ADGRL2: variants seen among roughly 807,000 people sequenced by gnomAD.
The protein encoded by ADGRL2 is adhesion G protein-coupled receptor L2.
ADGRL2 carries 44 observed loss-of-function variants against 157.4 expected under a neutral mutation model. The ratio of observed to expected loss-of-function variants is 0.28; its 90% CI spans 0.22 to 0.36. The LOEUF is 0.36. ADGRL2 is among the 10% of genes least tolerant of loss of function. ADGRL2 has a pLI of 1.00. For missense variants in ADGRL2, 1,510 were observed against 1,768.9 expected, an observed-to-expected ratio of 0.85 and a Z score of 2.63; for synonymous variants, 585 against 624.7, an observed-to-expected ratio of 0.94 and a Z score of 0.95.
chr1:81,383,949 G>C (rs2076390033), intron 1 of ADGRL2, among the ~76,000 whole-genome samples: 1 of 131,250 alleles, frequency 7.6e-6, no homozygotes, highest in Admixed American at 7.6e-5. Flanking sequence ...GCAAGACTCT[G>C]TCTCAAAAAA....
intron 2 of ADGRL2, among the ~76,000 whole-genome samples, chr1:81,545,625 T>C (rs1260953606): frequency 6.6e-6 from 1 of 152,098 alleles, no homozygotes; most frequent in Non-Finnish European, 1.5e-5. Context: ...CTGAAACATC[T>C]CTTTTACATA....
intron 3 of ADGRL2, among the ~76,000 whole-genome samples, chr1:81,659,195 G>A (rs938323372): frequency 8.6e-5 from 13 of 151,596 alleles, no homozygotes; most frequent in African/African-American, 2.7e-4. Flanking sequence ...CCAAGTAAGT[G>A]GGATTACAGG....
chr1:81,823,311 C>T lies in ADGRL2; in HGVS notation c.-100-13574C>T, dbSNP rs1045275938. ...CCTGCCTCCCTTCCTCTCTCCTTCC[C>T]GTTTTTTCTCTCCTTCCTTCCTTCC... On this transcript the variant is annotated intron_variant, in intron 1 of 23. Coordinates refer to ENST00000686636, the MANE Select transcript of ADGRL2 (RefSeq NM_001366006.2). 2.0e-5 allele frequency among the ~76,000 whole-genome samples: 3 copies of T among 150,974 alleles called. No homozygotes were observed. In the East Asian group the frequency reaches 5.9e-4, roughly 30 times the overall value.
At chr1:81,364,530 G>A (rs1022448967) in intron 1 of ADGRL2, among the ~76,000 whole-genome samples, 2 of 151,994 alleles carry the variant, frequency 1.3e-5, no homozygotes, top group Admixed American at 1.3e-4. Context: ...ATACTCAAAA[G>A]GTTAAAACTG....
chr1:81,836,007 T>C (rs1374939467), intron 1 of ADGRL2, among the ~76,000 whole-genome samples: 1 of 152,088 alleles, frequency 6.6e-6, no homozygotes, highest in Non-Finnish European at 1.5e-5. Context: ...ATGAAGCATG[T>C]AGTAAATGCA....
At chr1:81,435,746 A>T (rs979800115) in intron 1 of ADGRL2, among the ~76,000 whole-genome samples, 5 of 152,170 alleles carry the variant, frequency 3.3e-5, no homozygotes, top group Middle Eastern at 3.2e-3. Flanking sequence ...ACACTGAAAC[A>T]TTTCTCTGGA....
Position 81,981,833 on chromosome 1 carries a change from C to T in ADGRL2, c.3139C>T (p.Leu1047Phe), listed in dbSNP as rs751875235. The T allele has an allele frequency of 5.0e-6, 8 of 1,610,272 alleles. No individual in the cohort carries two copies. In the South Asian group the frequency reaches 5.5e-5, roughly 11 times the overall value. The change falls in exon 19 of 24, where the codon CTT becomes TTT. Residue 1047 changes from leucine to phenylalanine, a missense_variant. Physicochemically the swap from Leu to Phe is conservative, Grantham distance 22. Around this residue, in one of 4 missense-constraint regions of ADGRL2, gnomAD observed 497 missense variants for 627.2 expected, o/e 0.79. Transcript: ENST00000686636. ...IKSWVLGAFA[L>F]LCLLGLTWSF... ...GTCTTGGGTGCTTGGCGCTTTCGCT[C>T]TTCTGTGTCTTCTTGGCCTCACCTG...
intron 2 of ADGRL2, among the ~76,000 whole-genome samples, chr1:81,453,588 G>A (rs1049107632): frequency 6.6e-6 from 1 of 152,086 alleles, no homozygotes; most frequent in African/African-American, 2.4e-5. Flanking sequence ...CTTAATCTCT[G>A]TCTATAAAAC....
intron 1 of ADGRL2, among the ~76,000 whole-genome samples, chr1:81,363,054 G>A (rs1377524302): frequency 2.0e-5 from 3 of 151,942 alleles, no homozygotes; most frequent in Non-Finnish European, 4.4e-5. Context: ...ATATATGTAT[G>A]TATACACTTA....
chr1:81,430,084 G>T (rs1287324705), intron 1 of ADGRL2, among the ~76,000 whole-genome samples: 1 of 152,132 alleles, frequency 6.6e-6, no homozygotes, highest in African/African-American at 2.4e-5. Context: ...GTAGAGACGG[G>T]GTTTTTCCAT....
intron 1 of ADGRL2, among the ~76,000 whole-genome samples, chr1:81,348,280 C>T (rs1261096531): frequency 4.6e-5 from 7 of 152,196 alleles, no homozygotes; most frequent in Non-Finnish European, 1.0e-4. Context: ...CACACACATA[C>T]ACACACACTT....
At chr1:81,625,149 G>A (rs536466261) in intron 3 of ADGRL2, among the ~76,000 whole-genome samples, 1 of 152,134 alleles carries the variant, frequency 6.6e-6, no homozygotes. Flanking sequence ...AAATGAAAAA[G>A]CTCCTTCAGT....
chr1:81,975,409 C>G (rs1447372750), intron 17 of ADGRL2, among the ~76,000 whole-genome samples: 1 of 151,976 alleles, frequency 6.6e-6, no homozygotes, highest in Non-Finnish European at 1.5e-5. Context: ...AAAGAAAAAA[C>G]AAAGAGCAAG....
intron 1 of ADGRL2, among the ~76,000 whole-genome samples, chr1:81,718,041 ATGTG>A (rs1267944669): frequency 1.3e-5 from 2 of 152,186 alleles, no homozygotes; most frequent in African/African-American, 4.8e-5. Context: ...TCTATAAGGT[ATGTG>A]TGTCTCACTC....
chr1:81,544,038 G>A (rs1029393428), intron 2 of ADGRL2, among the ~76,000 whole-genome samples: 4 of 151,980 alleles, frequency 2.6e-5, no homozygotes, highest in Admixed American at 1.3e-4. Flanking sequence ...AGTGGGACCC[G>A]CTCTCACCAA....
intron 1 of ADGRL2, among the ~76,000 whole-genome samples, chr1:81,418,891 T>C (rs1280893374): frequency 1.3e-5 from 2 of 152,332 alleles, no homozygotes; most frequent in African/African-American, 4.8e-5. Context: ...CTTTGATCAT[T>C]CCTTTTAAAA....
At chr1:81,502,744 G>T in intron 2 of ADGRL2, 1 of 1,613,788 alleles carries the variant, frequency 6.2e-7, no homozygotes, top group Non-Finnish European at 8.5e-7. Context: ...GGCAGCAATT[G>T]ATGGCAACCG....
chr1:81,942,658 T>C (rs1303147147), intron 5 of ADGRL2, among the ~76,000 whole-genome samples: 1 of 151,942 alleles, frequency 6.6e-6, no homozygotes, highest in Non-Finnish European at 1.5e-5. Flanking sequence ...GCTCAAACTT[T>C]TAAAACATGG....
At chr1:81,640,467 A>G (rs2082197640) in intron 3 of ADGRL2, among the ~76,000 whole-genome samples, 1 of 151,774 alleles carries the variant, frequency 6.6e-6, no homozygotes, top group Non-Finnish European at 1.5e-5. Flanking sequence ...ACCTCCCCCT[A>G]CTAAAATTCA....
Sources: gnomAD v4.1 joint callset for allele counts (sites outside exome capture counted in the v4.1 genomes callset) on GRCh38, gnomAD v4.1.1 for gene constraint, gnomAD v4.1.1 regional missense constraint, MANE v1.5 for transcripts, NCBI Gene and HGNC (gene_info 2026-07-23, HGNC 2026-07-21) for gene names.